The following CCDC178 variants were observed in gnomAD, a reference collection of about 807,000 sequenced individuals.
CCDC178 encodes coiled-coil domain-containing protein 178.
CCDC178 carries 126 observed loss-of-function variants against 117.4 expected under a neutral mutation model. The ratio of observed to expected loss-of-function variants is 1.07; its 90% CI spans 0.93 to 1.24. The LOEUF (loss-of-function observed/expected upper bound fraction) is 1.24. CCDC178 is among the 50% of genes most tolerant of loss of function. The probability of loss-of-function intolerance (pLI) is 0.00; values close to 1 mark genes in which losing one functional copy is unlikely to be tolerated. For missense variants in CCDC178, 1,030 were observed against 986.9 expected (o/e 1.04, Z -0.59); for synonymous variants, 283 against 313.4 (o/e 0.90, Z 1.02).
chr18:32,995,726 T>C (rs1382371169), intron 21 of CCDC178, among the ~76,000 whole-genome samples: 1 of 152,078 alleles, frequency 6.6e-6, no homozygotes, highest in Non-Finnish European at 1.5e-5. Context: ...TACAAAAGCA[T>C]GGTACATTAC....
chr18:33,312,415 G>A (rs2062355565), intron 11 of CCDC178, among the ~76,000 whole-genome samples: 1 of 152,166 alleles, frequency 6.6e-6, no homozygotes, highest in South Asian at 2.1e-4. Context: ...GTTTTGAATG[G>A]ATGGCAGCAT....
intron 20 of CCDC178, among the ~76,000 whole-genome samples, chr18:33,107,250 T>A (rs1048261380): frequency 6.6e-6 from 1 of 151,666 alleles, no homozygotes; most frequent in Admixed American, 6.6e-5. Flanking sequence ...TAATAAGATA[T>A]TATAGAGAAA....
chr18:33,374,750 A>C (rs921650267), intron 5 of CCDC178, among the ~76,000 whole-genome samples: 1 of 152,216 alleles, frequency 6.6e-6, no homozygotes, highest in African/African-American at 2.4e-5. Flanking sequence ...AGGCTAAATA[A>C]ATTGTGCAAT....
At chr18:33,392,507 G>T (rs79609733) in intron 4 of CCDC178, among the ~76,000 whole-genome samples, 3,109 of 152,248 alleles carry the variant, frequency 0.02, 116 homozygotes, top group African/African-American at 0.071. Flanking sequence ...GGTTTGCAAT[G>T]TAGCAGTTTT....
chr18:33,293,312 C>T lies in CCDC178; in HGVS notation c.1023G>A (p.Lys341=). ...GACTGTTAAGTTGATATATCTCTCT[C>T]CTAGGGATAAAAACACAGTTTATTT... ...YQDEKTIEAY[K]REIYQLNSLF... Residue 341 remains lysine, a splice_region_variant and synonymous_variant, in exon 12 of 23, where the codon AAG becomes AAA. Coordinates refer to ENST00000383096, the MANE Select transcript of CCDC178 (RefSeq NM_001105528.4). 1 of 1,474,470 alleles carries T rather than the reference C, an allele frequency of 6.8e-7. No homozygotes were observed. The highest frequency in any genetic ancestry group is 9.3e-7 in the Non-Finnish European group (1 of 1,071,428). The allele number at this position is 1,474,470 out of a possible 1,614,324, so 91.3% of individuals were successfully genotyped here. A position where few individuals can be genotyped will look rare whatever the true frequency, so the allele number is the denominator to read the frequency against.
chr18:33,169,936 C>T (rs1182372398), intron 20 of CCDC178, among the ~76,000 whole-genome samples: 1 of 152,084 alleles, frequency 6.6e-6, no homozygotes, highest in Non-Finnish European at 1.5e-5. Flanking sequence ...CAAGACCTTC[C>T]TCAGTTTTCT....
At chr18:33,289,632 AAAC>A (rs1270947007) in intron 12 of CCDC178, among the ~76,000 whole-genome samples, 1 of 152,126 alleles carries the variant, frequency 6.6e-6, no homozygotes, top group East Asian at 1.9e-4. Context: ...AAAAAAAAAC[AAAC>A]AACAACAAAA....
intron 20 of CCDC178, among the ~76,000 whole-genome samples, chr18:33,111,355 C>A (rs967125873): frequency 6.6e-6 from 1 of 151,488 alleles, no homozygotes; most frequent in Non-Finnish European, 1.5e-5. Flanking sequence ...TTAAAGCCAT[C>A]TTTTATCATG....
intron 12 of CCDC178, among the ~76,000 whole-genome samples, chr18:33,270,013 A>G (rs933203020): frequency 4.6e-5 from 7 of 151,788 alleles, no homozygotes; most frequent in South Asian, 2.1e-4. Context: ...TAGCAAATAG[A>G]AACTATTAAT....
At chr18:33,161,551 A>T (rs2058463318) in intron 20 of CCDC178, among the ~76,000 whole-genome samples, 1 of 152,122 alleles carries the variant, frequency 6.6e-6, no homozygotes, top group Non-Finnish European at 1.5e-5. Context: ...TGCAATTTGA[A>T]TTGCCTCAAA....
At chr18:33,113,799 A>C (rs1309184116) in intron 20 of CCDC178, among the ~76,000 whole-genome samples, 2 of 152,098 alleles carry the variant, frequency 1.3e-5, no homozygotes, top group Non-Finnish European at 2.9e-5. Context: ...GCTATGTTAT[A>C]GAAATTACAG....
At chr18:33,223,467 C>G (rs1330283092) in intron 17 of CCDC178, among the ~76,000 whole-genome samples, 1 of 151,964 alleles carries the variant, frequency 6.6e-6, no homozygotes, top group East Asian at 1.9e-4. Context: ...AATAAGCTTA[C>G]ATAGAAAGTA....
At chr18:33,298,980 T>C (rs1458877743) in intron 11 of CCDC178, among the ~76,000 whole-genome samples, 2 of 151,994 alleles carry the variant, frequency 1.3e-5, no homozygotes, top group Non-Finnish European at 2.9e-5. Context: ...TTGAAGAAGA[T>C]ACAAAAATGG....
chr18:33,344,711 T>C (rs2062863915), intron 9 of CCDC178, among the ~76,000 whole-genome samples: 1 of 151,840 alleles, frequency 6.6e-6, no homozygotes, highest in Non-Finnish European at 1.5e-5. Flanking sequence ...ATGACTCCTG[T>C]TGTTGTGAAC....
At chr18:33,371,784 T>TACACACACACACACACAC (rs146013235) in intron 5 of CCDC178, among the ~76,000 whole-genome samples, 25 of 144,306 alleles carry the variant, frequency 1.7e-4, no homozygotes, top group Middle Eastern at 3.5e-3. Context: ...TAAACATATA[T>TACACACACACACACACAC]ACACACACAC....
At chr18:33,158,616 C>G (rs1227732468) in intron 20 of CCDC178, among the ~76,000 whole-genome samples, 1 of 152,046 alleles carries the variant, frequency 6.6e-6, no homozygotes, top group Admixed American at 6.6e-5. Context: ...TAAACATTCA[C>G]AGAATTGCAG....
chr18:32,960,136 A>C (rs2054677535), intron 22 of CCDC178, among the ~76,000 whole-genome samples: 1 of 152,096 alleles, frequency 6.6e-6, no homozygotes, highest in Non-Finnish European at 1.5e-5. Flanking sequence ...AAATAAATGC[A>C]CTTTTATCTT....
chr18:33,008,464 G>C (rs2055794853), intron 21 of CCDC178, among the ~76,000 whole-genome samples: 1 of 151,980 alleles, frequency 6.6e-6, no homozygotes, highest in Non-Finnish European at 1.5e-5. Flanking sequence ...AAGGGACAGT[G>C]TCTCAGCAAT....
chr18:33,279,997 C>T (rs966787666), intron 12 of CCDC178, among the ~76,000 whole-genome samples: 2 of 151,616 alleles, frequency 1.3e-5, no homozygotes, highest in Admixed American at 6.6e-5. Context: ...ACCATAAAAA[C>T]CCTAGAAGGA....
Sources: allele counts gnomAD v4.1 joint callset (sites outside exome capture counted in the v4.1 genomes callset), GRCh38; gene constraint gnomAD v4.1.1; transcripts MANE v1.5; gene names NCBI Gene and HGNC (gene_info 2026-07-23, HGNC 2026-07-21).